Variants in UST observed in about 807,000 individuals in gnomAD.
UST encodes uronyl 2-sulfotransferase, also known as chondroitin sulfate 2-O-sulfotransferase.
In UST, 21 loss-of-function variants were observed where a neutral mutation model predicts 45.6. The ratio of observed to expected loss-of-function variants is 0.46; its 90% CI spans 0.33 to 0.66. The LOEUF is 0.66. UST is among the 30% of genes least tolerant of loss of function. The pLI is 0.02. For synonymous variants in UST, 215 were observed against 200.6 expected (o/e 1.07, Z -0.61); for missense variants, 463 against 512.4 (o/e 0.90, Z 0.93).
intron 5 of UST, among the ~76,000 whole-genome samples, chr6:149,007,494 G>T (rs1235974634): frequency 6.8e-6 from 1 of 148,090 alleles, no homozygotes; most frequent in Admixed American, 6.7e-5. Context: ...TAGAGACGGG[G>T]TTTCACCATG....
chr6:148,957,672 T>A (rs1363907407), intron 4 of UST, among the ~76,000 whole-genome samples: 1 of 152,196 alleles, frequency 6.6e-6, no homozygotes, highest in Non-Finnish European at 1.5e-5. Flanking sequence ...TGGCCTCAAG[T>A]GATTTGCCCA....
chr6:149,067,426 C>G (rs1433613389), intron 7 of UST, among the ~76,000 whole-genome samples: 1 of 152,172 alleles, frequency 6.6e-6, no homozygotes, highest in Non-Finnish European at 1.5e-5. Flanking sequence ...CGGTCACCCT[C>G]CCTGGATCCT....
At chr6:149,023,188 C>T (rs1296258607) in intron 7 of UST, among the ~76,000 whole-genome samples, 1 of 150,480 alleles carries the variant, frequency 6.6e-6, no homozygotes, top group Non-Finnish European at 1.5e-5. Context: ...GTCTAATACA[C>T]AGTCTGAGAT....
chr6:148,857,440 G>A (rs761199568), intron 1 of UST, among the ~76,000 whole-genome samples: 4 of 152,072 alleles, frequency 2.6e-5, no homozygotes, highest in African/African-American at 9.7e-5. Flanking sequence ...ACTCCTTCCC[G>A]TGAATGCACA....
Position 149,066,615 on chromosome 6 carries a change from G to C in UST, c.938-7218G>C, listed in dbSNP as rs550100297. Among the ~76,000 whole-genome samples, 23 of 152,262 alleles carry C rather than the reference G, an allele frequency of 1.5e-4. No individual in the cohort carries two copies. The South Asian group carries it at 4.8e-3, about 32-fold the overall frequency. On this transcript the variant is annotated intron_variant, in intron 7 of 7. Transcript: ENST00000367463. ...CCCTCATGTTTAGACGGGGGATTTA[G>C]GGAGGGATTAAGAAGAGTAAGGAAG... is the stretch of plus-strand genomic sequence containing the variant.
chr6:149,024,576 T>C (rs1776023682), intron 7 of UST, among the ~76,000 whole-genome samples: 1 of 152,172 alleles, frequency 6.6e-6, no homozygotes, highest in Non-Finnish European at 1.5e-5. Flanking sequence ...AGTTTCTCAA[T>C]ATATTTTAGC....
Position 148,941,279 on chromosome 6 carries a change from G to C in UST, c.292G>C (p.Val98Leu). The change falls in exon 3 of 8, where the codon GTA (valine) becomes CTA (leucine). Residue 98 changes from valine to leucine, a missense_variant and splice_region_variant. Val to Leu is a conservative substitution (Grantham distance 32). Coordinates refer to ENST00000367463, the MANE Select transcript of UST (RefSeq NM_005715.3). ...LDDHGPPPSKVLPFPSQVVYN... is the reference protein window; with the variant it reads ...LDDHGPPPSKLLPFPSQVVYN... The stretch of plus-strand genomic sequence containing the variant: ...TTTGTTCTCTTGGTTTTTTTCCCAG[G>C]TACTACCTTTCCCAAGCCAGGTGGT... 1 of 1,612,126 alleles carries C rather than the reference G, an allele frequency of 6.2e-7. No individual in the cohort carries two copies. The highest frequency in any genetic ancestry group is 8.5e-7 in the Non-Finnish European group (1 of 1,179,482).
intron 1 of UST, among the ~76,000 whole-genome samples, chr6:148,836,171 T>TC (rs1254478783): frequency 6.6e-6 from 1 of 152,178 alleles, no homozygotes; most frequent in East Asian, 1.9e-4. Context: ...GACAGCACTC[T>TC]CAGTTAAGCC....
At chr6:148,915,394 C>T (rs985796839) in intron 2 of UST, among the ~76,000 whole-genome samples, 1 of 152,044 alleles carries the variant, frequency 6.6e-6, no homozygotes, top group African/African-American at 2.4e-5. Flanking sequence ...GAGCTCTAGC[C>T]ATCATATCTG....
intron 1 of UST, among the ~76,000 whole-genome samples, chr6:148,789,122 T>C (rs966208268): frequency 2.0e-5 from 3 of 152,258 alleles, no homozygotes; most frequent in Non-Finnish European, 4.4e-5. Context: ...ACTTTGCTGC[T>C]AAGACAGCAG....
chr6:149,034,175 A>C (rs1286400569), intron 7 of UST, among the ~76,000 whole-genome samples: 4 of 152,126 alleles, frequency 2.6e-5, no homozygotes, highest in Non-Finnish European at 4.4e-5. Context: ...AGAGTAGTAC[A>C]TCATGATTTT....
chr6:148,861,133 T>C (rs939157640), intron 1 of UST, among the ~76,000 whole-genome samples: 3 of 152,180 alleles, frequency 2.0e-5, no homozygotes, highest in Admixed American at 6.5e-5. Context: ...TCCTGGACTT[T>C]TTTTGGTTGG....
chr6:148,964,433 A>T lies in UST; in HGVS notation c.551A>T (p.Tyr184Phe), dbSNP rs139823892. 1.2e-6 allele frequency: 2 copies of T among 1,614,074 alleles called. No homozygotes were observed. Among genetic ancestry groups the T allele is most frequent in the Admixed American group, 1.7e-5 (1 of 60,006 alleles). The change falls in exon 5 of 8, where the codon TAC becomes TTC. Residue 184 changes from tyrosine to phenylalanine, a missense_variant. Transcript: ENST00000367463. The part of the protein sequence containing the change: ...FSRFGGDQPV[Y>F]INIIRDPVNR... ...AGGTTTGGAGGAGACCAGCCTGTCTACATCAACATCATTAGAGACCCCGTC... is the reference window on the plus strand; with the variant it reads ...AGGTTTGGAGGAGACCAGCCTGTCTTCATCAACATCATTAGAGACCCCGTC...
chr6:148,954,745 G>C (rs1780449428), intron 4 of UST, among the ~76,000 whole-genome samples: 1 of 152,212 alleles, frequency 6.6e-6, no homozygotes, highest in South Asian at 2.1e-4. Context: ...GATTTTCTAA[G>C]CCTCACGTGT....
intron 1 of UST, among the ~76,000 whole-genome samples, chr6:148,798,936 C>T (rs1049107687): frequency 1.3e-5 from 2 of 152,060 alleles, no homozygotes; most frequent in Admixed American, 6.5e-5. Flanking sequence ...GTGGTGCGAG[C>T]TCGGCTCGCT....
At chr6:148,830,107 A>C (rs1313715624) in intron 1 of UST, among the ~76,000 whole-genome samples, 1 of 152,190 alleles carries the variant, frequency 6.6e-6, no homozygotes, top group Non-Finnish European at 1.5e-5. Flanking sequence ...TTTTTAAGGT[A>C]ATTGGAGAAA....
intron 1 of UST, among the ~76,000 whole-genome samples, chr6:148,860,935 A>G (rs189973030): frequency 2.2e-3 from 331 of 152,316 alleles, no homozygotes; most frequent in African/African-American, 7.3e-3. Flanking sequence ...GATGTTCATC[A>G]GGGATATTGG....
chr6:148,897,843 C>G (rs1164111224), intron 2 of UST, among the ~76,000 whole-genome samples: 1 of 152,200 alleles, frequency 6.6e-6, no homozygotes, highest in Admixed American at 6.5e-5. Context: ...AGATACGAAT[C>G]TCTTACCTTA....
chr6:148,769,483 T>A (rs1776378929), intron 1 of UST, among the ~76,000 whole-genome samples: 1 of 152,234 alleles, frequency 6.6e-6, no homozygotes, highest in Admixed American at 6.5e-5. Flanking sequence ...TGTCCTGGCA[T>A]TGCCACCGTG....
Sources: allele counts gnomAD v4.1 joint callset (sites outside exome capture counted in the v4.1 genomes callset), GRCh38; gene constraint gnomAD v4.1.1; transcripts MANE v1.5; gene names NCBI Gene and HGNC (gene_info 2026-07-23, HGNC 2026-07-21).